The following USP33 variants were observed in gnomAD, a reference collection of about 807,000 sequenced individuals.
The protein encoded by USP33 is ubiquitin specific peptidase 33.
Under a neutral mutation model 124.2 loss-of-function variants are expected in USP33, and 46 were observed. The observed-to-expected ratio is 0.37, with a 90% CI of 0.29 to 0.47. The LOEUF is 0.47. USP33 is among the 20% of genes least tolerant of loss of function. USP33 has a pLI of 0.99. For missense variants in USP33, 851 were observed against 1,070.6 expected (o/e 0.79, Z 2.86); for synonymous variants, 350 against 352.3 (o/e 0.99, Z 0.07).
In USP33 at chr1:77,721,908, A is replaced by T. The variant is rs770234129; in HGVS notation, c.1580T>A (p.Val527Asp). Reference sequence around the variant, plus strand: ...TACTGGACCCCAAAACCAGCTAGGGACACATGAGACAACAAACCTGAAACA... The same window carrying T: ...TACTGGACCCCAAAACCAGCTAGGGTCACATGAGACAACAAACCTGAAACA... ...EYVKRFVVSC[V>D]PSWFWGPVVT... is the part of the protein sequence containing the mutation. The change falls in exon 14 of 24, where the codon GTC (valine) becomes GAC (aspartate). Residue 527 changes from valine (V) to aspartate (D), a missense_variant. Coordinates refer to ENST00000370794, the MANE Select transcript of USP33 (RefSeq NM_201624.3). 6.2e-7 allele frequency: 1 copy of T among 1,608,902 alleles called. No homozygotes were observed. Among genetic ancestry groups the T allele is most frequent in the Non-Finnish European group, 8.5e-7 (1 of 1,178,824 alleles).
At chr1:77,715,245 T>C (rs1193907279) in intron 18 of USP33, among the ~76,000 whole-genome samples, 1 of 152,202 alleles carries the variant, frequency 6.6e-6, no homozygotes, top group Non-Finnish European at 1.5e-5. Flanking sequence ...CTCACTCTGT[T>C]GCCGAGGCTG....
At chr1:77,711,880 T>TA in intron 20 of USP33, 25 bp from the exon 21 acceptor site, 1 of 1,581,526 alleles carries the variant, frequency 6.3e-7, no homozygotes, top group Non-Finnish European at 8.5e-7. Context: ...ATTTAAGAAT[T>TA]AATGTTCTAG....
chr1:77,754,264 C>T (rs1680604928), intron 1 of USP33, among the ~76,000 whole-genome samples: 1 of 152,118 alleles, frequency 6.6e-6, no homozygotes, highest in Non-Finnish European at 1.5e-5. Flanking sequence ...GACTATGGTT[C>T]CACGAGTACT....
intron 9 of USP33, 127 bp from the exon 10 acceptor site, chr1:77,728,839 G>A (rs1677459155): frequency 1.0e-6 from 1 of 992,792 alleles, no homozygotes; most frequent in African/African-American, 1.6e-5. Context: ...GCAAATACCA[G>A]TTTGGAGAGC....
At chr1:77,716,991 G>A (rs558662326) in intron 17 of USP33, among the ~76,000 whole-genome samples, 6 of 150,950 alleles carry the variant, frequency 4.0e-5, no homozygotes, top group South Asian at 4.2e-4. Flanking sequence ...TCAGCCTCCC[G>A]AGTAGCTGGG....
chr1:77,728,265 A>C, intron 10 of USP33, 30 bp downstream of exon 10: 2 of 1,534,120 alleles, frequency 1.3e-6, no homozygotes, highest in Admixed American at 2.2e-5. Flanking sequence ...AAATACTATC[A>C]TTTTCATGAA....
intron 1 of USP33, among the ~76,000 whole-genome samples, chr1:77,757,637 G>A (rs1440950751): frequency 6.6e-6 from 1 of 152,130 alleles, no homozygotes; most frequent in Non-Finnish European, 1.5e-5. Context: ...AAATCTTTCA[G>A]CATTTTATGT....
At chr1:77,719,075 A>C (rs1037715756) in intron 15 of USP33, among the ~76,000 whole-genome samples, 1 of 152,188 alleles carries the variant, frequency 6.6e-6, no homozygotes, top group Non-Finnish European at 1.5e-5. Flanking sequence ...AAATAATTTA[A>C]ACTGGCCAGG....
chr1:77,727,105 T>C (rs1358391926), intron 10 of USP33, among the ~76,000 whole-genome samples: 1 of 152,224 alleles, frequency 6.6e-6, no homozygotes, highest in Non-Finnish European at 1.5e-5. Flanking sequence ...AAAAAACAAC[T>C]CACTCTAGGA....
intron 19 of USP33, 41 bp downstream of exon 19, chr1:77,714,573 A>C: frequency 6.4e-7 from 1 of 1,569,424 alleles, no homozygotes; most frequent in Non-Finnish European, 8.6e-7. Flanking sequence ...ATTATTTTAC[A>C]GCAAACTTCT....
At chr1:77,730,162 T>G (rs1014132272) in intron 8 of USP33, among the ~76,000 whole-genome samples, 1 of 152,178 alleles carries the variant, frequency 6.6e-6, no homozygotes, top group Non-Finnish European at 1.5e-5. Context: ...ATGATTATGC[T>G]TCACCCCATG....
At chr1:77,724,466 C>G (rs1676931593) in intron 11 of USP33, among the ~76,000 whole-genome samples, 1 of 152,098 alleles carries the variant, frequency 6.6e-6, no homozygotes, top group African/African-American at 2.4e-5. Context: ...GCCATGAAGA[C>G]TTTCTCCTAT....
chr1:77,734,221 A>G (rs1678164858), intron 7 of USP33, 126 bp downstream of exon 7: 2 of 712,292 alleles, frequency 2.8e-6, no homozygotes, highest in Non-Finnish European at 4.7e-6. Flanking sequence ...AGAATGGGTT[A>G]TGTCCCAAAC....
rs796905430 is a variant in USP33, at chr1:77,750,256, T to C, written c.-51-8508A>G. Reference sequence around the variant, plus strand: ...TCACTTGAACCCAGGAGGCAGAGGTTGCAGTGAGCCGTGATCACGCCACTG... The same window carrying C: ...TCACTTGAACCCAGGAGGCAGAGGTCGCAGTGAGCCGTGATCACGCCACTG... On this transcript the variant is annotated intron_variant, in intron 1 of 23. Coordinates refer to ENST00000370794, the MANE Select transcript of USP33 (RefSeq NM_201624.3). 7.2e-5 allele frequency among the ~76,000 whole-genome samples: 11 copies of C among 152,136 alleles called. No individual in the cohort carries two copies. In the East Asian group the frequency reaches 1.2e-3, roughly 16 times the overall value.
chr1:77,728,583 A>G lies in USP33; in HGVS notation c.847T>C (p.Ser283Pro). ...EETMEEDKSQ[S>P]DVDFQSCESC... ...TCACAAGACTGAAAATCTACATCCG[A>G]CTGGCTCTTGTCTTCTTCCATTGTC... Residue 283 changes from serine (S) to proline (P), a missense_variant, in exon 10 of 24, where the codon TCG becomes CCG. By Grantham distance (74) the Ser-to-Pro change is moderately conservative. Transcript: ENST00000370794. 6.2e-7 allele frequency: 1 copy of G among 1,614,106 alleles called. No individual in the cohort carries two copies.
intron 1 of USP33, among the ~76,000 whole-genome samples, chr1:77,756,446 GCA>G (rs1384772630): frequency 6.6e-6 from 1 of 152,136 alleles, no homozygotes; most frequent in African/African-American, 2.4e-5. Context: ...TAGCTGGTAT[GCA>G]CAGTTAACAC....
intron 1 of USP33, among the ~76,000 whole-genome samples, chr1:77,758,116 T>C: frequency 6.6e-6 from 1 of 151,418 alleles, no homozygotes; most frequent in East Asian, 1.9e-4. Context: ...TTAAGTAGAC[T>C]ATCCCTCTTG....
chr1:77,740,002 G>C (rs989056066), intron 4 of USP33, among the ~76,000 whole-genome samples: 1 of 152,172 alleles, frequency 6.6e-6, no homozygotes, highest in African/African-American at 2.4e-5. Flanking sequence ...TCAGAGCTTG[G>C]GTATTCAGGC....
intron 4 of USP33, among the ~76,000 whole-genome samples, chr1:77,739,944 A>G (rs75657796): frequency 0.051 from 7,733 of 152,304 alleles, 282 homozygotes; most frequent in African/African-American, 0.11. Context: ...TACACAGCAA[A>G]TACCATCTTA....
Sources: allele counts gnomAD v4.1 joint callset (sites outside exome capture counted in the v4.1 genomes callset), GRCh38; gene constraint gnomAD v4.1.1; transcripts MANE v1.5; gene names NCBI Gene and HGNC (gene_info 2026-07-23, HGNC 2026-07-21).